The following MED23 variants were observed in gnomAD, a reference collection of about 807,000 sequenced individuals.
MED23 encodes mediator complex subunit 23, also known as mediator of RNA polymerase II transcription subunit 23.
Under a neutral mutation model 163.9 loss-of-function variants are expected in MED23, and 105 were observed. That is an observed-to-expected ratio of 0.64 (90% CI 0.55 to 0.75). The LOEUF (loss-of-function observed/expected upper bound fraction) is 0.75. MED23 is among the 30% of genes least tolerant of loss of function. The pLI is 0.00. For missense variants in MED23, 1,054 were observed against 1,649.0 expected, an observed-to-expected ratio of 0.64 and a Z score of 6.25; for synonymous variants, 561 against 565.6, an observed-to-expected ratio of 0.99 and a Z score of 0.12.
At chr6:131,608,117 A>C in intron 11 of MED23, 46 bp from the exon 12 acceptor site, 1 of 1,601,320 alleles carries the variant, frequency 6.2e-7, no homozygotes, top group Non-Finnish European at 8.5e-7. Flanking sequence ...CTACTTAAAG[A>C]GATGAATACA....
intron 30 of MED23, chr6:131,579,204 A>G (rs1289634469): frequency 3.1e-6 from 5 of 1,614,166 alleles, no homozygotes; most frequent in Non-Finnish European, 4.2e-6. Flanking sequence ...TCTGTGGGAA[A>G]AGCAAGCGAG....
At chr6:131,582,560 T>G (rs1472424187), downstream of MED23, 12 of 1,308,294 alleles carry the variant, frequency 9.2e-6, no homozygotes, top group Non-Finnish European at 2.2e-6. Flanking sequence ...GTCTTTACCT[T>G]TGAATGTAGG....
In MED23 at chr6:131,598,822, G is replaced by T; in HGVS notation, c.2221-61C>A. ...TAGTAGAAAGAGCACTGGATATGGAGTTAATAAACCAGTTCTAGACTTGAT... is the reference window on the plus strand; with the variant it reads ...TAGTAGAAAGAGCACTGGATATGGATTTAATAAACCAGTTCTAGACTTGAT... On this transcript the variant is annotated intron_variant, in intron 18 of 28. Coordinates refer to ENST00000368068, the MANE Select transcript of MED23 (RefSeq NM_004830.4). The surrounding 1 kb of genome is among the most constrained non-coding windows in gnomAD (Gnocchi z 4.7). The T allele has an allele frequency of 6.7e-7, 1 of 1,494,020 alleles. No individual in the cohort carries two copies. The highest frequency in any genetic ancestry group is 9.3e-7 in the Non-Finnish European group (1 of 1,072,696). 92.5% of individuals were successfully genotyped at this position (1,494,020 alleles called of 1,614,324 possible).
rs1259688051 is a variant in MED23, at chr6:131,596,773, A to C, written c.2608-85T>G. 1.9e-5 allele frequency: 24 copies of C among 1,265,582 alleles called. No homozygotes were observed. In the South Asian group the frequency reaches 2.0e-4, roughly 11 times the overall value. 78.4% of individuals were successfully genotyped at this position (1,265,582 alleles called of 1,614,324 possible). On this transcript the variant is annotated intron_variant, in intron 20 of 28. Coordinates refer to ENST00000368068, the MANE Select transcript of MED23 (RefSeq NM_004830.4). ...CCATCTGAAAGCCTAGATTTTAACA[A>C]AGTAAAATCTCACTATTATAATTTC... is the stretch of plus-strand genomic sequence containing the variant.
intron 30 of MED23, among the ~76,000 whole-genome samples, chr6:131,580,581 TTA>T (rs1262398704): frequency 3.3e-5 from 5 of 152,200 alleles, no homozygotes; most frequent in Admixed American, 3.3e-4. Context: ...AAGATATCAT[TTA>T]TGTCTTCCAT....
exon 31 of MED23, chr6:131,574,096 TAA>T: frequency 1.4e-6 from 1 of 691,278 alleles, no homozygotes; most frequent in Non-Finnish European, 2.6e-6. Context: ...CTTATTCTAG[TAA>T]AGAGAGTGTG....
chr6:131,621,823 A>G, intron 6 of MED23, 58 bp downstream of exon 6: 1 of 1,223,800 alleles, frequency 8.2e-7, no homozygotes, highest in Non-Finnish European at 1.2e-6. Flanking sequence ...GCACAGACCT[A>G]AACAAAGCTA....
intron 30 of MED23, among the ~76,000 whole-genome samples, chr6:131,577,026 G>A (rs1179731930): frequency 6.6e-6 from 1 of 152,020 alleles, no homozygotes; most frequent in Non-Finnish European, 1.5e-5. Flanking sequence ...GGAGCCGGGG[G>A]AACAGCAAAT....
intron 3 of MED23, among the ~76,000 whole-genome samples, chr6:131,626,664 T>C (rs1354363028): frequency 6.6e-6 from 1 of 152,194 alleles, no homozygotes; most frequent in Non-Finnish European, 1.5e-5. Context: ...CACCCTTTTA[T>C]ACCTGTGCAT....
rs902535354 is a variant in MED23 at position 131,628,051 on chromosome 6, T to G, written c.-2A>C. ...AATGCTCTGCAGTTGCGTCTCCATC[T>G]GTACTATCACCCCCGCCTTTCCAGG... On this transcript the variant is annotated 5_prime_UTR_variant, in exon 1 of 29. Coordinates refer to ENST00000368068, the MANE Select transcript of MED23 (RefSeq NM_004830.4). 27 of 1,613,894 alleles carry G rather than the reference T, an allele frequency of 1.7e-5. No homozygotes were observed. The African/African-American group carries it at 3.5e-4, about 21-fold the overall frequency.
In MED23 at chr6:131,628,163, G is replaced by T; in HGVS notation, c.-114C>A. 8.0e-7 allele frequency: 1 copy of T among 1,248,244 alleles called. No individual in the cohort carries two copies. The highest frequency in any genetic ancestry group is 1.2e-5 in the South Asian group (1 of 83,206). 77.3% of individuals were successfully genotyped at this position (1,248,244 alleles called of 1,614,324 possible). ...CCTCTGGAGGAAACCGTAGCTCCTC[G>T]GCGTCGCTTCCTCCCCCAGCGCTTT... is the stretch of plus-strand genomic sequence containing the variant. On this transcript the variant is annotated 5_prime_UTR_variant, in exon 1 of 29. Coordinates refer to ENST00000368068, the MANE Select transcript of MED23 (RefSeq NM_004830.4).
chr6:131,581,476 G>C (rs1250503157), intron 30 of MED23: 19 of 1,363,722 alleles, frequency 1.4e-5, no homozygotes, highest in Non-Finnish European at 1.9e-5. Context: ...TCTTATTCTT[G>C]GTGTAATCTC....
chr6:131,584,861 T>C (rs977066067), downstream of MED23, among the ~76,000 whole-genome samples: 1 of 145,706 alleles, frequency 6.9e-6, no homozygotes, highest in African/African-American at 2.6e-5. Flanking sequence ...TAGCTGGGCA[T>C]GGTGGTGAAC....
At chr6:131,619,782 C>G (rs369369749) in intron 8 of MED23, 45 bp downstream of exon 8, 4 of 1,384,638 alleles carry the variant, frequency 2.9e-6, no homozygotes, top group Non-Finnish European at 4.1e-6. Flanking sequence ...AATTAGATTA[C>G]TAAAAATCAG....
At chr6:131,576,828 T>C (rs1439515580) in intron 30 of MED23, 7 of 1,143,152 alleles carry the variant, frequency 6.1e-6, no homozygotes, top group African/African-American at 1.5e-5. Context: ...GTCTGGAATA[T>C]TTACATCAGA....
chr6:131,627,134 C>T lies in MED23; in HGVS notation c.159+262G>A, dbSNP rs77175995. 2,186 of 406,636 alleles carry T rather than the reference C, an allele frequency of 5.4e-3. 48 individuals carry two copies. The highest frequency in any genetic ancestry group is 0.042 in the African/African-American group (2,032 of 48,464). 25.2% of individuals were successfully genotyped at this position (406,636 alleles called of 1,614,324 possible). A position where few individuals can be genotyped will look rare whatever the true frequency, so the allele number is the denominator to read the frequency against. On this transcript the variant is annotated intron_variant, in intron 3 of 28. Transcript: ENST00000368068. The stretch of plus-strand genomic sequence containing the variant: ...AATCCGAATAGGATGAAAATGATCT[C>T]AATTAATCTAACATAGGGGAGGTTT...
intron 3 of MED23, 138 bp from the exon 4 acceptor site, chr6:131,625,127 T>TA (rs1777390350): frequency 2.0e-6 from 2 of 998,054 alleles, no homozygotes; most frequent in South Asian, 1.5e-5. Context: ...AAATAATTTT[T>TA]AAAAAAAGCA....
chr6:131,583,558 T>C (rs1774049092), downstream of MED23: 12 of 1,460,792 alleles, frequency 8.2e-6, no homozygotes, highest in African/African-American at 3.0e-5. Flanking sequence ...TATACCTCCT[T>C]GACCTGAAAC....
intron 17 of MED23, 83 bp downstream of exon 17, chr6:131,602,135 G>A: frequency 7.0e-7 from 1 of 1,433,170 alleles, no homozygotes; most frequent in Non-Finnish European, 9.8e-7. Context: ...TATCTTTTTA[G>A]TATGTTACAA....
Sources: allele counts gnomAD v4.1 joint callset (sites outside exome capture counted in the v4.1 genomes callset), GRCh38; gene constraint gnomAD v4.1.1; non-coding constraint Gnocchi (gnomAD v3.1); transcripts MANE v1.5; gene names NCBI Gene and HGNC (gene_info 2026-07-23, HGNC 2026-07-21).